The following ADCK1 variants were observed in gnomAD, a reference collection of about 807,000 sequenced individuals.
ADCK1 encodes the protein aarF domain-containing protein kinase 1.
In ADCK1, 41 loss-of-function variants were observed where a neutral mutation model predicts 52.3. The ratio of observed to expected loss-of-function variants is 0.78; its 90% confidence interval spans 0.61 to 1.02. The LOEUF (loss-of-function observed/expected upper bound fraction) is 1.02, where lower values mean the gene tolerates loss of function less well. Ranked by LOEUF, ADCK1 falls within the 50% of genes least tolerant of loss-of-function variation. The pLI is 0.00. For missense variants in ADCK1, 658 were observed against 679.5 expected, an observed-to-expected ratio of 0.97 and a Z score of 0.35; for synonymous variants, 250 against 274.6, an observed-to-expected ratio of 0.91 and a Z score of 0.89.
intron 3 of ADCK1, among the ~76,000 whole-genome samples, chr14:77,840,660 C>G (rs1404985461): frequency 6.6e-5 from 10 of 152,054 alleles, no homozygotes; most frequent in Admixed American, 5.9e-4. Context: ...CCAGCCTGGA[C>G]AACATGGTGA....
chr14:77,817,942 G>T (rs1246326074), intron 1 of ADCK1, among the ~76,000 whole-genome samples: 3 of 151,332 alleles, frequency 2.0e-5, no homozygotes, highest in Admixed American at 6.6e-5. Context: ...GTTTCATCGT[G>T]TTAGCCAGGA....
rs563984493 is a variant in ADCK1, at chr14:77,934,771, C to T, written c.*1380C>T. 4 of 152,256 alleles carry T rather than the reference C, an allele frequency of 2.6e-5. No homozygotes were observed. The East Asian group carries it at 7.7e-4, about 29-fold the overall frequency. The allele number at this position is 152,256 out of a possible 1,614,324, so 9.4% of individuals were successfully genotyped here. A position where few individuals can be genotyped will look rare whatever the true frequency, so the allele number is the denominator to read the frequency against. ...GGGCAGAAAAAATCCTGAATTTGAGCCTAATTTTCTGTACTCTTTATTCAT... is the reference window on the plus strand; with the variant it reads ...GGGCAGAAAAAATCCTGAATTTGAGTCTAATTTTCTGTACTCTTTATTCAT... On this transcript the variant is annotated 3_prime_UTR_variant, in exon 11 of 11. Coordinates refer to ENST00000238561, the MANE Select transcript of ADCK1 (RefSeq NM_020421.4).
intron 3 of ADCK1, among the ~76,000 whole-genome samples, chr14:77,832,732 A>G (rs1240686746): frequency 1.3e-5 from 2 of 152,240 alleles, no homozygotes; most frequent in Admixed American, 1.3e-4. Flanking sequence ...TTCAGGAAAG[A>G]GTTTCAACTC....
At chr14:77,808,767 AG>A (rs1250965089) in intron 1 of ADCK1, among the ~76,000 whole-genome samples, 1 of 151,984 alleles carries the variant, frequency 6.6e-6, no homozygotes, top group Admixed American at 6.6e-5. Flanking sequence ...GTAGAGACGG[AG>A]TTTCACCATG....
chr14:77,845,200 G>A (rs1231477860), intron 3 of ADCK1, among the ~76,000 whole-genome samples: 3 of 152,156 alleles, frequency 2.0e-5, no homozygotes, highest in Admixed American at 2.0e-4. Context: ...TATGGTCTTG[G>A]AGTTAGACTG....
intron 3 of ADCK1, among the ~76,000 whole-genome samples, chr14:77,850,443 A>G (rs941473152): frequency 6.6e-6 from 1 of 152,080 alleles, no homozygotes; most frequent in African/African-American, 2.4e-5. Context: ...TTGCAGTTTC[A>G]TTAGTTTTTT....
intron 3 of ADCK1, among the ~76,000 whole-genome samples, chr14:77,847,847 G>T (rs1226846903): frequency 6.6e-6 from 1 of 152,144 alleles, no homozygotes; most frequent in African/African-American, 2.4e-5. Flanking sequence ...GTGTGTTCAT[G>T]AATTTGTTCC....
chr14:77,872,783 T>C (rs1268027510), intron 4 of ADCK1, among the ~76,000 whole-genome samples: 1 of 151,910 alleles, frequency 6.6e-6, no homozygotes, highest in African/African-American at 2.4e-5. Flanking sequence ...CAAGTCATTC[T>C]CCTGCCTCAG....
In ADCK1 at chr14:77,894,736, G is replaced by GT; in HGVS notation, c.583-4336dup. Among the ~76,000 whole-genome samples, 283 of 36,468 alleles carry GT rather than the reference G, an allele frequency of 7.8e-3. 49 individuals carry two copies. Among genetic ancestry groups the GT allele is most frequent in the East Asian group, 0.038 (36 of 956 alleles). 23.9% of individuals were successfully genotyped at this position (36,468 alleles called of 152,430 possible). On this transcript the variant is annotated intron_variant, in intron 5 of 10. Coordinates refer to ENST00000238561, the MANE Select transcript of ADCK1 (RefSeq NM_020421.4). ...TTATTTCTTTTTCTTTTCTTTTCTT[G>GT]TTTTTTTTTTTTTTTTTTTTTTTTT...
At chr14:77,801,889 C>G (rs940211042) in intron 1 of ADCK1, among the ~76,000 whole-genome samples, 2 of 151,940 alleles carry the variant, frequency 1.3e-5, no homozygotes, top group South Asian at 4.2e-4. Context: ...TGCAGTGAGC[C>G]GAGATCGTGT....
chr14:77,857,402 A>G (rs893600239), intron 3 of ADCK1, among the ~76,000 whole-genome samples: 1 of 152,180 alleles, frequency 6.6e-6, no homozygotes, highest in Non-Finnish European at 1.5e-5. Context: ...TAGGGTAGCT[A>G]TCACCTGAGT....
chr14:77,859,732 C>A (rs1439659361), intron 4 of ADCK1, among the ~76,000 whole-genome samples: 3 of 152,206 alleles, frequency 2.0e-5, no homozygotes. Context: ...TGGCACCTCA[C>A]TTTCCTTATC....
Position 77,924,598 on chromosome 14 carries a change from C to G in ADCK1, c.1000C>G (p.Leu334Val), listed in dbSNP as rs1335408045. 1 of 1,613,106 alleles carries G rather than the reference C, an allele frequency of 6.2e-7. No homozygotes were observed. The highest frequency in any genetic ancestry group is 1.7e-5 in the Admixed American group (1 of 60,032). ...KAEIVLLDHGLYQMLTEEFRL... is the reference protein window; with the variant it reads ...KAEIVLLDHGVYQMLTEEFRL... ...GGAGATTGTCCTGTTGGACCATGGG[C>G]TTTACCAGGTAGAAGAGGCCTTTGT... Residue 334 changes from leucine (L) to valine (V), a missense_variant, in exon 8 of 11, where the codon CTT (leucine) becomes GTT (valine). Transcript: ENST00000238561.
At position 77,808,997 on chromosome 14, in the gene ADCK1, T is replaced by C. The variant is rs1041177959; in HGVS notation, c.-12+8827T>C. Among the ~76,000 whole-genome samples the C allele has an allele frequency of 5.3e-5, 8 of 152,176 alleles. No individual in the cohort carries two copies. In the East Asian group the frequency reaches 7.7e-4, roughly 15 times the overall value. On this transcript the variant is annotated intron_variant, in intron 1 of 10. Coordinates refer to ENST00000238561, the MANE Select transcript of ADCK1 (RefSeq NM_020421.4). ...AGTATATAATTAGACTAGTGAGGAA[T>C]GAATGAGGAATTCTGAGTGATTGGC...
chr14:77,931,654 G>A lies in ADCK1; in HGVS notation c.1343G>A (p.Arg448His), dbSNP rs1163356624. The A allele has an allele frequency of 2.2e-5, 35 of 1,609,976 alleles. No homozygotes were observed. The highest frequency in any genetic ancestry group is 1.6e-4 in the Middle Eastern group (1 of 6,084). Residue 448 changes from arginine to histidine, a missense_variant, in exon 10 of 11, where the codon CGC becomes CAC. By Grantham distance (29) the Arg-to-His change is conservative (BLOSUM62 0). Coordinates refer to ENST00000238561, the MANE Select transcript of ADCK1 (RefSeq NM_020421.4). The part of the protein sequence containing the change: ...LRGIEAALGT[R>H]ASASSFLNMS... ...GGCATTGAGGCCGCCCTGGGCACCCGCGCCAGCGCCAGCTCCTTTCTCAAC... is the reference window on the plus strand; with the variant it reads ...GGCATTGAGGCCGCCCTGGGCACCCACGCCAGCGCCAGCTCCTTTCTCAAC...
chr14:77,883,024 C>T (rs1239073829), intron 4 of ADCK1, among the ~76,000 whole-genome samples: 2 of 142,802 alleles, frequency 1.4e-5, no homozygotes, highest in African/African-American at 5.2e-5. Context: ...TGTGTGCACA[C>T]ACACACAGAG....
Position 77,933,801 on chromosome 14 carries a change from C to A in ADCK1, c.*410C>A, listed in dbSNP as rs2084397487. Reference sequence around the variant, plus strand: ...CTGAATTTGACAGAGAACACCTTCCCTTTCCTTGCCATGTCACCCTCCAGA... The same window carrying A: ...CTGAATTTGACAGAGAACACCTTCCATTTCCTTGCCATGTCACCCTCCAGA... On this transcript the variant is annotated 3_prime_UTR_variant, in exon 11 of 11. Coordinates refer to ENST00000238561, the MANE Select transcript of ADCK1 (RefSeq NM_020421.4). 5.6e-6 allele frequency: 1 copy of A among 178,324 alleles called. No homozygotes were observed. The highest frequency in any genetic ancestry group is 1.4e-4 in the East Asian group (1 of 7,112). 11.0% of individuals were successfully genotyped at this position (178,324 alleles called of 1,614,324 possible).
chr14:77,926,069 G>C, intron 9 of ADCK1, 108 bp downstream of exon 9: 1 of 1,302,948 alleles, frequency 7.7e-7, no homozygotes, highest in Non-Finnish European at 1.1e-6. Flanking sequence ...CTGGTGGGCT[G>C]TGTGTTGGGG....
chr14:77,843,730 T>G (rs750316796), intron 3 of ADCK1, among the ~76,000 whole-genome samples: 20 of 152,230 alleles, frequency 1.3e-4, no homozygotes, highest in Admixed American at 3.9e-4. Context: ...GGAACAACTT[T>G]CTTTGCTTAA....
Sources: gnomAD v4.1 joint callset for allele counts (sites outside exome capture counted in the v4.1 genomes callset) on GRCh38, gnomAD v4.1.1 for gene constraint, MANE v1.5 for transcripts, NCBI Gene and HGNC (gene_info 2026-07-23, HGNC 2026-07-21) for gene names.